Variants in OTC observed in about 807,000 individuals in gnomAD.
OTC encodes the protein ornithine transcarbamylase, also known as ornithine transcarbamylase, mitochondrial.
A neutral mutation model predicts 30.3 loss-of-function variants in OTC; 3 were observed. That is an observed-to-expected ratio of 0.10 (90% CI 0.05 to 0.26). The LOEUF (loss-of-function observed/expected upper bound fraction) is 0.26. Ranked by LOEUF, OTC falls within the 10% of genes least tolerant of loss-of-function variation. OTC has a pLI of 1.00. For synonymous variants in OTC, 111 were observed against 99.7 expected (o/e 1.11, Z -0.67); for missense variants, 194 against 260.3 (o/e 0.75, Z 1.75).
intron 4 of OTC, among the ~76,000 whole-genome samples, chrX:38,386,480 G>A (rs2068403809): frequency 1.8e-5 from 2 of 109,476 alleles, no homozygotes; most frequent in Non-Finnish European, 1.9e-5. Flanking sequence ...TCCAACCCCT[G>A]GCAACCACCA....
At chrX:38,416,623 A>G (rs1377039236) in intron 9 of OTC, among the ~76,000 whole-genome samples, 1 of 112,430 alleles carries the variant, frequency 8.9e-6, no homozygotes, top group Non-Finnish European at 1.9e-5. Context: ...GCCAGATAAA[A>G]TAGAGGACAC....
intron 4 of OTC, among the ~76,000 whole-genome samples, chrX:38,394,438 T>C (rs1269138094): frequency 8.9e-6 from 1 of 112,289 alleles, no homozygotes; most frequent in Non-Finnish European, 1.9e-5. Flanking sequence ...GTCTGTCTTA[T>C]ATAACTTTCT....
At chrX:38,407,434 T>C (rs1393457591) in intron 6 of OTC, among the ~76,000 whole-genome samples, 2 of 112,023 alleles carry the variant, frequency 1.8e-5, no homozygotes, top group Non-Finnish European at 1.9e-5. Context: ...TTCACCACAA[T>C]GCTTCAGTGA....
intron 4 of OTC, among the ~76,000 whole-genome samples, chrX:38,386,324 G>A (rs1476399823): frequency 9.4e-6 from 1 of 106,335 alleles, no homozygotes; most frequent in Non-Finnish European, 1.9e-5. Flanking sequence ...AGTGAGCTGA[G>A]GTCACAGCAC....
intron 5 of OTC, among the ~76,000 whole-genome samples, chrX:38,402,050 G>C (rs2068491965): frequency 8.9e-6 from 1 of 111,880 alleles, no homozygotes. Flanking sequence ...AATCCTAACA[G>C]CCATGGTTTC....
At chrX:38,420,209 C>G (rs745639945) in intron 9 of OTC, among the ~76,000 whole-genome samples, 19 of 111,133 alleles carry the variant, frequency 1.7e-4, no homozygotes, top group Non-Finnish European at 2.8e-4. Flanking sequence ...CAGTTCTGCA[C>G]TATCTGTCAT....
At chrX:38,382,634 G>T (rs2068382065) in intron 4 of OTC, among the ~76,000 whole-genome samples, 1 of 112,347 alleles carries the variant, frequency 8.9e-6, no homozygotes. Context: ...CAAATAATCT[G>T]CCTCTGACTT....
At chrX:38,372,057 T>C (rs963030004) in intron 3 of OTC, among the ~76,000 whole-genome samples, 4 of 112,635 alleles carry the variant, frequency 3.6e-5, no homozygotes, top group Non-Finnish European at 7.5e-5. Flanking sequence ...TAAGTTTTTT[T>C]AAAAGGGATT....
intron 3 of OTC, among the ~76,000 whole-genome samples, chrX:38,371,193 C>G (rs1359996425): frequency 8.9e-6 from 1 of 111,807 alleles, no homozygotes; most frequent in African/African-American, 3.3e-5. Flanking sequence ...TATTGGAGGC[C>G]AGGAAATAAA....
downstream of OTC, among the ~76,000 whole-genome samples, chrX:38,422,306 GA>G (rs994477901): frequency 3.6e-5 from 4 of 111,690 alleles, no homozygotes; most frequent in African/African-American, 9.8e-5. Flanking sequence ...TAATGTTACA[GA>G]AAAAAACATC....
chrX:38,340,853 G>A, the OTC span, among the ~76,000 whole-genome samples: 1 of 109,495 alleles, frequency 9.1e-6, no homozygotes, highest in South Asian at 3.9e-4. Context: ...CTAGAGTACA[G>A]TGGCACGATC....
At chrX:38,401,522 T>C (rs1244288441) in intron 5 of OTC, 94 bp downstream of exon 5, 5 of 706,047 alleles carry the variant, frequency 7.1e-6, no homozygotes, top group Non-Finnish European at 1.1e-5. Context: ...GGTATTGGTG[T>C]TTTATTTTCA....
chrX:38,360,558 A>G (rs148820840), intron 1 of OTC, among the ~76,000 whole-genome samples: 2,441 of 111,786 alleles, frequency 0.022, 66 homozygotes, highest in African/African-American at 0.076. Flanking sequence ...ACAGCCTGAG[A>G]ATGAGAAGGA....
chrX:38,364,390 A>G (rs1347967417), intron 1 of OTC, among the ~76,000 whole-genome samples: 1 of 112,258 alleles, frequency 8.9e-6, no homozygotes, highest in African/African-American at 3.2e-5. Flanking sequence ...GTCAAAGACA[A>G]TAATACATCT....
rs1191111307 is a variant in OTC, at chrX:38,353,202, T to G, written c.77+429T>G. ...AACTAATAAATACTGACAAAGCTGC[T>G]GCAAAGACGCCTTATATGTGATGGG... On this transcript the variant is annotated intron_variant, in intron 1 of 9. Coordinates refer to ENST00000039007, the MANE Select transcript of OTC (RefSeq NM_000531.6). Among the ~76,000 whole-genome samples the G allele has an allele frequency of 8.0e-5, 9 of 112,319 alleles. No homozygotes were observed. The Admixed American group carries it at 8.5e-4, about 11-fold the overall frequency.
chrX:38,337,860 G>A, the OTC span, among the ~76,000 whole-genome samples: 1 of 110,938 alleles, frequency 9.0e-6, no homozygotes, highest in Non-Finnish European at 1.9e-5. Context: ...ACAATCTTGG[G>A]AAATGATAGA....
At chrX:38,341,130 C>CT in the OTC span, among the ~76,000 whole-genome samples, 2 of 111,817 alleles carry the variant, frequency 1.8e-5, no homozygotes, top group African/African-American at 3.3e-5. Context: ...GAAAAACACA[C>CT]TTTTTTATAT....
intron 4 of OTC, among the ~76,000 whole-genome samples, chrX:38,389,798 G>A: frequency 9.1e-6 from 1 of 110,059 alleles, no homozygotes; most frequent in Non-Finnish European, 1.9e-5. Context: ...TGGGCCAGAT[G>A]CTTCTGAGTC....
the OTC span, among the ~76,000 whole-genome samples, chrX:38,340,709 C>T: frequency 2.7e-5 from 3 of 110,175 alleles, no homozygotes; most frequent in Non-Finnish European, 5.7e-5. Context: ...AGTAAGGCCT[C>T]CTTTGTGCCC....
Sources: allele counts gnomAD v4.1 joint callset (sites outside exome capture counted in the v4.1 genomes callset), GRCh38; gene constraint gnomAD v4.1.1; transcripts MANE v1.5; gene names NCBI Gene and HGNC (gene_info 2026-07-23, HGNC 2026-07-21).